The following CNTNAP5 variants were observed in gnomAD, a reference collection of about 807,000 sequenced individuals.
CNTNAP5 encodes contactin-associated protein-like 5.
Under a neutral mutation model 150.2 loss-of-function variants are expected in CNTNAP5, and 72 were observed. The observed-to-expected ratio is 0.48, with a 90% CI of 0.40 to 0.58. The LOEUF is 0.58. Ranked by LOEUF, CNTNAP5 falls within the 20% of genes least tolerant of loss-of-function variation. CNTNAP5 has a pLI of 0.00. For synonymous variants in CNTNAP5, 672 were observed against 619.8 expected (o/e 1.08, Z -1.25); for missense variants, 1,636 against 1,626.2 (o/e 1.01, Z -0.10).
At chr2:124,615,847 A>G (rs1053434469) in intron 12 of CNTNAP5, among the ~76,000 whole-genome samples, 2 of 152,226 alleles carry the variant, frequency 1.3e-5, no homozygotes, top group African/African-American at 4.8e-5. Context: ...TAAATGTGAT[A>G]GCAGGCAGGA....
chr2:124,893,418 C>T (rs914136005), intron 21 of CNTNAP5, among the ~76,000 whole-genome samples: 19 of 152,134 alleles, frequency 1.2e-4, no homozygotes, highest in Middle Eastern at 3.4e-3. Context: ...CTGGGTAAAG[C>T]GATCTTAATA....
chr2:124,830,644 A>G (rs1224695986), intron 19 of CNTNAP5, among the ~76,000 whole-genome samples: 1 of 152,046 alleles, frequency 6.6e-6, no homozygotes, highest in Non-Finnish European at 1.5e-5. Context: ...TCCTGGTTAC[A>G]TTGAACAATT....
intron 3 of CNTNAP5, among the ~76,000 whole-genome samples, chr2:124,282,105 T>C (rs1213314762): frequency 6.6e-6 from 1 of 151,690 alleles, no homozygotes; most frequent in Non-Finnish European, 1.5e-5. Context: ...AGTTTAGACA[T>C]AGGTAGAGAT....
chr2:124,179,300 C>G (rs797008649), intron 1 of CNTNAP5, among the ~76,000 whole-genome samples: 2 of 152,226 alleles, frequency 1.3e-5, no homozygotes, highest in African/African-American at 4.8e-5. Flanking sequence ...GCTGGGATTA[C>G]AGGCATGTGC....
At chr2:124,424,033 AT>A (rs1270329413) in intron 4 of CNTNAP5, among the ~76,000 whole-genome samples, 1 of 152,208 alleles carries the variant, frequency 6.6e-6, no homozygotes, top group Non-Finnish European at 1.5e-5. Flanking sequence ...TCCCAGTCTC[AT>A]TATGAATTAC....
chr2:124,208,593 G>A (rs1685924516), intron 1 of CNTNAP5, among the ~76,000 whole-genome samples: 1 of 152,162 alleles, frequency 6.6e-6, no homozygotes, highest in African/African-American at 2.4e-5. Context: ...AATATAGAAA[G>A]CAGAGACATC....
At chr2:124,162,805 T>C (rs1413425282) in intron 1 of CNTNAP5, among the ~76,000 whole-genome samples, 1 of 152,064 alleles carries the variant, frequency 6.6e-6, no homozygotes, top group African/African-American at 2.4e-5. Context: ...ATCATAATAA[T>C]GGCAAGCACA....
chr2:124,500,515 T>G (rs1404202486), intron 7 of CNTNAP5, among the ~76,000 whole-genome samples: 1 of 152,090 alleles, frequency 6.6e-6, no homozygotes, highest in Non-Finnish European at 1.5e-5. Context: ...CAGACAAGTG[T>G]GATAATATAT....
chr2:124,353,518 G>C (rs1322958580), intron 3 of CNTNAP5, among the ~76,000 whole-genome samples: 1 of 152,104 alleles, frequency 6.6e-6, no homozygotes, highest in Non-Finnish European at 1.5e-5. Flanking sequence ...GACAGGCAAT[G>C]CATATTTTAC....
chr2:124,454,222 T>C (rs1693059338), intron 6 of CNTNAP5, among the ~76,000 whole-genome samples: 5 of 152,048 alleles, frequency 3.3e-5, no homozygotes, highest in Admixed American at 3.3e-4. Context: ...TCCATGAAAA[T>C]GGACAGCAAA....
intron 13 of CNTNAP5, among the ~76,000 whole-genome samples, chr2:124,687,697 T>G (rs999770044): frequency 2.0e-5 from 3 of 151,992 alleles, no homozygotes; most frequent in Non-Finnish European, 2.9e-5. Flanking sequence ...CTACAAAAAG[T>G]CTGTAATGAA....
intron 7 of CNTNAP5, among the ~76,000 whole-genome samples, chr2:124,486,868 G>A (rs1255694738): frequency 1.3e-5 from 2 of 152,132 alleles, no homozygotes; most frequent in African/African-American, 4.8e-5. Context: ...GACTCAAAAA[G>A]TTTAGAACAC....
intron 11 of CNTNAP5, among the ~76,000 whole-genome samples, chr2:124,576,580 A>G (rs1218353858): frequency 6.6e-6 from 1 of 152,200 alleles, no homozygotes; most frequent in African/African-American, 2.4e-5. Context: ...CTGGGGGAAT[A>G]GTCAAAACTA....
intron 13 of CNTNAP5, among the ~76,000 whole-genome samples, chr2:124,684,581 TC>T (rs1679149711): frequency 6.6e-6 from 1 of 152,160 alleles, no homozygotes; most frequent in African/African-American, 2.4e-5. Context: ...GACTTTACAA[TC>T]AAATGGACTG....
chr2:124,062,802 A>G (rs1294808328), intron 1 of CNTNAP5, among the ~76,000 whole-genome samples: 1 of 151,982 alleles, frequency 6.6e-6, no homozygotes, highest in Non-Finnish European at 1.5e-5. Context: ...TCTCCTTGGG[A>G]GTTTTTTTGG....
intron 12 of CNTNAP5, among the ~76,000 whole-genome samples, chr2:124,623,313 G>A (rs1250062654): frequency 6.6e-6 from 1 of 152,084 alleles, no homozygotes; most frequent in African/African-American, 2.4e-5. Context: ...AAAACACAGG[G>A]ATGGCCATGT....
At chr2:124,414,506 G>T (rs1006126717) in intron 3 of CNTNAP5, among the ~76,000 whole-genome samples, 2 of 152,046 alleles carry the variant, frequency 1.3e-5, no homozygotes, top group African/African-American at 4.8e-5. Flanking sequence ...AAATGATATG[G>T]CTCTGGGATA....
Position 124,731,843 on chromosome 2 carries a change from AGT to A in CNTNAP5, c.2078-15379_2078-15378del, listed in dbSNP as rs745535976. Among the ~76,000 whole-genome samples, 74 of 150,684 alleles carry A rather than the reference AGT, an allele frequency of 4.9e-4. 1 individual carries two copies. The highest frequency in any genetic ancestry group is 8.9e-4 in the Non-Finnish European group (60 of 67,386). On this transcript the variant is annotated intron_variant, in intron 13 of 23. Transcript: ENST00000682447. ...ATGTATGAGGGTGTATATGAGTGTA[AGT>A]GTGTGTATGAGTGTGAGTGTATGTG...
intron 7 of CNTNAP5, among the ~76,000 whole-genome samples, chr2:124,500,772 C>T (rs951729358): frequency 2.6e-5 from 4 of 152,218 alleles, no homozygotes; most frequent in Non-Finnish European, 2.9e-5. Flanking sequence ...AACATCTTGG[C>T]TGTTCGAGAA....
Sources: gnomAD v4.1 joint callset for allele counts (sites outside exome capture counted in the v4.1 genomes callset) on GRCh38, gnomAD v4.1.1 for gene constraint, MANE v1.5 for transcripts, NCBI Gene and HGNC (gene_info 2026-07-23, HGNC 2026-07-21) for gene names.